FAM200B: variants seen among roughly 807,000 people sequenced by gnomAD.
FAM200B encodes the protein zinc finger BED-type containing 11.
In FAM200B, 32 loss-of-function variants were observed where a neutral mutation model predicts 33.1. The ratio of observed to expected loss-of-function variants is 0.97; its 90% CI spans 0.73 to 1.30. FAM200B has a LOEUF of 1.30. FAM200B is among the 50% of genes most tolerant of loss of function. The pLI, the probability that FAM200B is intolerant of heterozygous loss-of-function variation, is 0.00. For synonymous variants in FAM200B, 240 were observed against 264.8 expected, an observed-to-expected ratio of 0.91 and a Z score of 0.91; for missense variants, 741 against 754.0, an observed-to-expected ratio of 0.98 and a Z score of 0.20.
Position 15,687,200 on chromosome 4 carries a change from T to C in FAM200B, c.223T>C (p.Cys75Arg), listed in dbSNP as rs1718933414. The C allele has an allele frequency of 6.5e-7, 1 of 1,537,438 alleles. No individual in the cohort carries two copies. Among genetic ancestry groups the C allele is most frequent in the South Asian group, 1.2e-5 (1 of 81,028 alleles). The change falls in exon 2 of 2, where the codon TGT becomes CGT. Residue 75 changes from cysteine to arginine, a missense_variant. By Grantham distance (180) the Cys-to-Arg change is radical (BLOSUM62 -3). Transcript: ENST00000422728. ...TTACTTAAAATATGGCTTTATCAAA[T>C]GTGAAAAACCCTTTGAAAATGACAG... ...EDYLKYGFIK[C>R]EKPFENDRPQ...
the FAM200B span, among the ~76,000 whole-genome samples, chr4:15,651,155 C>T: frequency 6.6e-6 from 1 of 152,126 alleles, no homozygotes; most frequent in Admixed American, 6.5e-5. Context: ...GAGACTTATA[C>T]TCAGTGAAGA....
the FAM200B span, among the ~76,000 whole-genome samples, chr4:15,671,895 G>C: frequency 8.2e-4 from 125 of 152,132 alleles, 2 homozygotes; most frequent in Non-Finnish European, 3.4e-4. Flanking sequence ...CTAGAAGTTG[G>C]ATTGACATCT....
chr4:15,664,531 A>AC, the FAM200B span, among the ~76,000 whole-genome samples: 1 of 116,720 alleles, frequency 8.6e-6, no homozygotes, highest in Non-Finnish European at 1.8e-5. Flanking sequence ...TTTTTCCCCC[A>AC]CCAAAGTGGG....
At chr4:15,682,937 G>C (rs1191805332) in intron 1 of FAM200B, among the ~76,000 whole-genome samples, 1 of 152,196 alleles carries the variant, frequency 6.6e-6, no homozygotes, top group Non-Finnish European at 1.5e-5. Context: ...GAAAGATGAG[G>C]CTTAAGCTTA....
the FAM200B span, among the ~76,000 whole-genome samples, chr4:15,657,125 T>C: frequency 3.3e-5 from 5 of 152,224 alleles, no homozygotes; most frequent in Non-Finnish European, 5.9e-5. Context: ...GGACTTTGCC[T>C]CTATATTTTT....
the FAM200B span, among the ~76,000 whole-genome samples, chr4:15,655,774 G>T: frequency 6.6e-6 from 1 of 152,208 alleles, no homozygotes; most frequent in East Asian, 1.9e-4. Context: ...GGTGACCAAT[G>T]CTTCTGGCCA....
Position 15,685,205 on chromosome 4 carries a change from T to C in FAM200B, c.-742-1031T>C, listed in dbSNP as rs576345009. On this transcript the variant is annotated intron_variant, in intron 1 of 1. Transcript: ENST00000422728. ...TCAGATATGGTAAGATATGCAGATG[T>C]GAAAATGATTGTCATGAAAGAAGAA... Among the ~76,000 whole-genome samples, 7 of 152,308 alleles carry C rather than the reference T, an allele frequency of 4.6e-5. No individual in the cohort carries two copies. In the South Asian group the frequency reaches 1.4e-3, roughly 32 times the overall value.
chr4:15,654,759 G>C, the FAM200B span, among the ~76,000 whole-genome samples: 3 of 152,200 alleles, frequency 2.0e-5, no homozygotes, highest in Non-Finnish European at 4.4e-5. Flanking sequence ...CCCCGAACAG[G>C]CCCGGGGGAG....
At chr4:15,653,493 T>C in the FAM200B span, among the ~76,000 whole-genome samples, 6 of 152,182 alleles carry the variant, frequency 3.9e-5, no homozygotes, top group Non-Finnish European at 8.8e-5. Flanking sequence ...TGGAAATCGA[T>C]GAAAGCTACA....
At chr4:15,637,895 G>GT in the FAM200B span, among the ~76,000 whole-genome samples, 2,219 of 123,864 alleles carry the variant, frequency 0.018, 35 homozygotes, top group African/African-American at 0.042. Context: ...TGAGGAACTA[G>GT]TTTTTTTAAA....
the FAM200B span, chr4:15,638,817 T>C: frequency 1.7e-6 from 1 of 604,178 alleles, no homozygotes. Context: ...AAGATAAAAA[T>C]TTTAGCTGTC....
chr4:15,645,204 G>A, the FAM200B span, among the ~76,000 whole-genome samples: 1 of 151,944 alleles, frequency 6.6e-6, no homozygotes. Flanking sequence ...CCTATTATCA[G>A]CAGGAATGAC....
the FAM200B span, among the ~76,000 whole-genome samples, chr4:15,640,008 A>C: frequency 1.3e-5 from 2 of 152,144 alleles, no homozygotes; most frequent in African/African-American, 2.4e-5. Context: ...ATGATACCCT[A>C]ATACATGTAC....
the FAM200B span, among the ~76,000 whole-genome samples, chr4:15,661,639 TTC>T: frequency 1.3e-5 from 2 of 152,248 alleles, no homozygotes; most frequent in Admixed American, 6.5e-5. Flanking sequence ...GGTCTTTTTT[TTC>T]TCTTTTTCTC....
At chr4:15,681,760 T>A (rs567052113), upstream of FAM200B, 166 of 153,030 alleles carry the variant, frequency 1.1e-3, 1 homozygote, top group Non-Finnish European at 1.9e-3. Flanking sequence ...CCAGTTCTTT[T>A]CGGCTGGAAT....
At chr4:15,669,432 A>C in the FAM200B span, among the ~76,000 whole-genome samples, 5 of 152,216 alleles carry the variant, frequency 3.3e-5, no homozygotes, top group African/African-American at 9.6e-5. Context: ...ATCAAACAAC[A>C]GAAATGTATT....
At chr4:15,655,794 G>A in the FAM200B span, among the ~76,000 whole-genome samples, 1 of 152,324 alleles carries the variant, frequency 6.6e-6, no homozygotes, top group East Asian at 1.9e-4. Context: ...AGGACCTCCG[G>A]AGCTGCCCTT....
At chr4:15,655,388 C>A in the FAM200B span, 1 of 1,051,592 alleles carries the variant, frequency 9.5e-7, no homozygotes, top group South Asian at 4.5e-5. Flanking sequence ...CGCATGCGCC[C>A]GCCCCGTCGG....
chr4:15,676,177 A>G, the FAM200B span, among the ~76,000 whole-genome samples: 2 of 152,222 alleles, frequency 1.3e-5, no homozygotes, highest in East Asian at 1.9e-4. Flanking sequence ...TAATCCATAT[A>G]TATTAGGACA....
Sources: allele counts gnomAD v4.1 joint callset (sites outside exome capture counted in the v4.1 genomes callset), GRCh38; gene constraint gnomAD v4.1.1; transcripts MANE v1.5; gene names NCBI Gene and HGNC (gene_info 2026-07-23, HGNC 2026-07-21).